The following CALHM5 variants were observed in gnomAD, a reference collection of about 807,000 sequenced individuals.
The protein encoded by CALHM5 is calcium homeostasis modulator protein 5.
CALHM5 carries 17 observed loss-of-function variants against 20.9 expected under a neutral mutation model. The ratio of observed to expected loss-of-function variants is 0.82; its 90% CI spans 0.56 to 1.22. The LOEUF is 1.22. CALHM5 is among the 50% of genes most tolerant of loss of function. CALHM5 has a pLI of 0.00. For synonymous variants in CALHM5, 148 were observed against 140.0 expected, an observed-to-expected ratio of 1.06 and a Z score of -0.40; for missense variants, 360 against 364.6, an observed-to-expected ratio of 0.99 and a Z score of 0.10.
Position 116,523,889 on chromosome 6 carries a change from G to C in CALHM5, c.*7900G>C, listed in dbSNP as rs755820947. ...TCTCCCCACAGATTAACAGTATTAAGAAAGGAGAATAAAGGAGATATAAGT... is the reference window on the plus strand; with the variant it reads ...TCTCCCCACAGATTAACAGTATTAACAAAGGAGAATAAAGGAGATATAAGT... On this transcript the variant is annotated 3_prime_UTR_variant, in exon 2 of 2. Transcript: ENST00000368599. 1 of 152,098 alleles carries C rather than the reference G, an allele frequency of 6.6e-6. No individual in the cohort carries two copies. Among genetic ancestry groups the C allele is most frequent in the Non-Finnish European group, 1.5e-5 (1 of 68,022 alleles). 9.4% of individuals were successfully genotyped at this position (152,098 alleles called of 1,614,324 possible).
At position 116,523,075 on chromosome 6, in the gene CALHM5, A is replaced by G. The variant is rs1772375177; in HGVS notation, c.*7086A>G. ...CATTTCTAACAGGTTCTCAGGTGATACTGATGCTGCTGGTCTAGGGACTAC... is the reference window on the plus strand; with the variant it reads ...CATTTCTAACAGGTTCTCAGGTGATGCTGATGCTGCTGGTCTAGGGACTAC... On this transcript the variant is annotated 3_prime_UTR_variant, in exon 2 of 2. Transcript: ENST00000368599. The G allele has an allele frequency of 6.6e-6, 1 of 151,948 alleles. No individual in the cohort carries two copies. Among genetic ancestry groups the G allele is most frequent in the African/African-American group, 2.4e-5 (1 of 41,300 alleles). The allele number at this position is 151,948 out of a possible 1,614,324, so 9.4% of individuals were successfully genotyped here. A position where few individuals can be genotyped will look rare whatever the true frequency, so the allele number is the denominator to read the frequency against.
In CALHM5 at chr6:116,515,734, G is replaced by T; in HGVS notation, c.675G>T (p.Gln225His). The T allele has an allele frequency of 6.2e-7, 1 of 1,614,048 alleles. No individual in the cohort carries two copies. The highest frequency in any genetic ancestry group is 8.5e-7 in the Non-Finnish European group (1 of 1,179,936). The change falls in exon 2 of 2, where the codon CAG becomes CAT. Residue 225 changes from glutamine (Q) to histidine (H), a missense_variant. By Grantham distance (24) the Gln-to-His change is conservative (BLOSUM62 0). Coordinates refer to ENST00000368599, the MANE Select transcript of CALHM5 (RefSeq NM_153711.5). ...CATATGCACAAAAGGAGAAGGAGCAGTTGGAAAATACATTTCTGGACTATG... is the reference window on the plus strand; with the variant it reads ...CATATGCACAAAAGGAGAAGGAGCATTTGGAAAATACATTTCTGGACTATG... ...WKTYAQKEKE[Q>H]LENTFLDYAN...
At position 116,516,071 on chromosome 6, in the gene CALHM5, G is replaced by A. The variant is rs2115168883; in HGVS notation, c.*82G>A. 3 of 1,468,132 alleles carry A rather than the reference G, an allele frequency of 2.0e-6. No homozygotes were observed. The highest frequency in any genetic ancestry group is 2.3e-5 in the Admixed American group (1 of 43,824). 90.9% of individuals were successfully genotyped at this position (1,468,132 alleles called of 1,614,324 possible). ...CTAACGTATCACCAGCAACCTGTGT[G>A]TCTCTGTATTTTCTTACATTTGGAG... is the stretch of plus-strand genomic sequence containing the variant. On this transcript the variant is annotated 3_prime_UTR_variant, in exon 2 of 2. Coordinates refer to ENST00000368599, the MANE Select transcript of CALHM5 (RefSeq NM_153711.5).
rs939737076 is a variant in CALHM5 at position 116,518,855 on chromosome 6, G to C, written c.*2866G>C. ...CTGACTGGCAAGAAGCCAGCAGCCTGGGTACTTGTTGCTGCAGCTTAGTAA... is the reference window on the plus strand; with the variant it reads ...CTGACTGGCAAGAAGCCAGCAGCCTCGGTACTTGTTGCTGCAGCTTAGTAA... On this transcript the variant is annotated 3_prime_UTR_variant, in exon 2 of 2. Transcript: ENST00000368599. 1 of 152,188 alleles carries C rather than the reference G, an allele frequency of 6.6e-6. No homozygotes were observed. The highest frequency in any genetic ancestry group is 1.5e-5 in the Non-Finnish European group (1 of 68,040). 9.4% of individuals were successfully genotyped at this position (152,188 alleles called of 1,614,324 possible). A position where few individuals can be genotyped will look rare whatever the true frequency, so the allele number is the denominator to read the frequency against.
Position 116,517,584 on chromosome 6 carries a change from G to A in CALHM5, c.*1595G>A, listed in dbSNP as rs941415926. 25 of 152,074 alleles carry A rather than the reference G, an allele frequency of 1.6e-4. No individual in the cohort carries two copies. Among genetic ancestry groups the A allele is most frequent in the African/African-American group, 4.6e-4 (19 of 41,406 alleles). The allele number at this position is 152,074 out of a possible 1,614,324, so 9.4% of individuals were successfully genotyped here. Reference sequence around the variant, plus strand: ...GGCAAACTGAATCCTACAAGTATAGGACCCAGAACATATCTATGTTATTGT... The same window carrying A: ...GGCAAACTGAATCCTACAAGTATAGAACCCAGAACATATCTATGTTATTGT... On this transcript the variant is annotated 3_prime_UTR_variant, in exon 2 of 2. Coordinates refer to ENST00000368599, the MANE Select transcript of CALHM5 (RefSeq NM_153711.5).
chr6:116,512,560 T>C (rs2115165118), intron 1 of CALHM5, among the ~76,000 whole-genome samples: 1 of 152,292 alleles, frequency 6.6e-6, no homozygotes, highest in East Asian at 1.9e-4. Flanking sequence ...ATAAATTGAG[T>C]GTTAATGGCA....
At position 116,511,725 on chromosome 6, in the gene CALHM5, T is replaced by C; in HGVS notation, c.29T>C (p.Phe10Ser). The C allele has an allele frequency of 6.2e-7, 1 of 1,613,712 alleles. No homozygotes were observed. The highest frequency in any genetic ancestry group is 8.5e-7 in the Non-Finnish European group (1 of 1,179,884). The change falls in exon 1 of 2, where the codon TTC becomes TCC. Residue 10 changes from phenylalanine (F) to serine (S), a missense_variant. By Grantham distance (155) the Phe-to-Ser change is radical. Coordinates refer to ENST00000368599, the MANE Select transcript of CALHM5 (RefSeq NM_153711.5). MDAFQGILK[F>S]FLNQKTVIGY... ...GATGCTTTTCAGGGCATTTTAAAATTCTTCCTTAATCAGAAAACTGTTATT... is the reference window on the plus strand; with the variant it reads ...GATGCTTTTCAGGGCATTTTAAAATCCTTCCTTAATCAGAAAACTGTTATT...
chr6:116,523,882 G>A lies in CALHM5; in HGVS notation c.*7893G>A, dbSNP rs1347418825. On this transcript the variant is annotated 3_prime_UTR_variant, in exon 2 of 2. Coordinates refer to ENST00000368599, the MANE Select transcript of CALHM5 (RefSeq NM_153711.5). ...GACTCAGTCTCCCCACAGATTAACA[G>A]TATTAAGAAAGGAGAATAAAGGAGA... 3.9e-5 allele frequency: 6 copies of A among 152,108 alleles called. No homozygotes were observed. The highest frequency in any genetic ancestry group is 7.4e-5 in the Non-Finnish European group (5 of 68,026). The allele number at this position is 152,108 out of a possible 1,614,324, so 9.4% of individuals were successfully genotyped here.
At position 116,523,154 on chromosome 6, in the gene CALHM5, G is replaced by C. The variant is rs976225553; in HGVS notation, c.*7165G>C. 6.6e-6 allele frequency: 1 copy of C among 151,928 alleles called. No individual in the cohort carries two copies. Among genetic ancestry groups the C allele is most frequent in the Non-Finnish European group, 1.5e-5 (1 of 68,008 alleles). The allele number at this position is 151,928 out of a possible 1,614,324, so 9.4% of individuals were successfully genotyped here. A position where few individuals can be genotyped will look rare whatever the true frequency, so the allele number is the denominator to read the frequency against. On this transcript the variant is annotated 3_prime_UTR_variant, in exon 2 of 2. Coordinates refer to ENST00000368599, the MANE Select transcript of CALHM5 (RefSeq NM_153711.5). The stretch of plus-strand genomic sequence containing the variant: ...GAGCAGGCTATTCTGGGGAAGGCAG[G>C]CTGTAAGAAACTCAGAATCCTGGCC...
chr6:116,513,467 A>C (rs1005085080), intron 1 of CALHM5, among the ~76,000 whole-genome samples: 1 of 152,214 alleles, frequency 6.6e-6, no homozygotes, highest in African/African-American at 2.4e-5. Flanking sequence ...GGCTCCATTC[A>C]GTCAGTGGCA....
At position 116,517,096 on chromosome 6, in the gene CALHM5, T is replaced by C. The variant is rs1213577179; in HGVS notation, c.*1107T>C. 1 of 152,162 alleles carries C rather than the reference T, an allele frequency of 6.6e-6. No individual in the cohort carries two copies. The highest frequency in any genetic ancestry group is 1.5e-5 in the Non-Finnish European group (1 of 68,036). 9.4% of individuals were successfully genotyped at this position (152,162 alleles called of 1,614,324 possible). ...TGGTGGAAAGTGCAAATAAGCTCCC[T>C]TGAGCATTTTTATAAGGCACTAATC... On this transcript the variant is annotated 3_prime_UTR_variant, in exon 2 of 2. Transcript: ENST00000368599.
Position 116,519,813 on chromosome 6 carries a change from T to C in CALHM5, c.*3824T>C, listed in dbSNP as rs190743529. 2 of 152,230 alleles carry C rather than the reference T, an allele frequency of 1.3e-5. No homozygotes were observed. The highest frequency in any genetic ancestry group is 2.9e-5 in the Non-Finnish European group (2 of 68,034). 9.4% of individuals were successfully genotyped at this position (152,230 alleles called of 1,614,324 possible). A position where few individuals can be genotyped will look rare whatever the true frequency, so the allele number is the denominator to read the frequency against. On this transcript the variant is annotated 3_prime_UTR_variant, in exon 2 of 2. Transcript: ENST00000368599. ...TGCTGATTCTGTCCAATTTATCCCA[T>C]GAATAAATTGTGTACACATATATAT...
chr6:116,512,102 G>T lies in CALHM5; in HGVS notation c.406G>T (p.Gly136Ter). The T allele has an allele frequency of 6.2e-7, 1 of 1,614,028 alleles. No homozygotes were observed. The highest frequency in any genetic ancestry group is 8.5e-7 in the Non-Finnish European group (1 of 1,179,982). Residue 136 changes from glycine (G) to a stop codon, truncating the protein, a stop_gained, in exon 1 of 2, where the codon GGA becomes TGA. Transcript: ENST00000368599. LOFTEE classifies it high-confidence loss of function. Reference sequence around the variant, plus strand: ...TGCCATGAGCGGGACGAGAAGTTCAGGACTCCTGGAACTGATTTGCAAGGG... The same window carrying T: ...TGCCATGAGCGGGACGAGAAGTTCATGACTCCTGGAACTGATTTGCAAGGG... ...ECAMSGTRSSGLLELICKGKP... is the reference protein window; with the variant it reads ...ECAMSGTRSS
chr6:116,520,271 A>G lies in CALHM5; in HGVS notation c.*4282A>G, dbSNP rs555773242. The G allele has an allele frequency of 7.2e-5, 11 of 152,304 alleles. No individual in the cohort carries two copies. Among genetic ancestry groups the G allele is most frequent in the African/African-American group, 2.6e-4 (11 of 41,568 alleles). The allele number at this position is 152,304 out of a possible 1,614,324, so 9.4% of individuals were successfully genotyped here. On this transcript the variant is annotated 3_prime_UTR_variant, in exon 2 of 2. Transcript: ENST00000368599. ...ACCGCTTCTCACATGATATATTTCA[A>G]GTACTTCAACTATTAACTATATTAT...
chr6:116,515,474 G>A (rs1215448165), intron 1 of CALHM5, 126 bp from the exon 2 acceptor site: 2 of 1,024,500 alleles, frequency 2.0e-6, no homozygotes, highest in Admixed American at 2.5e-5. Flanking sequence ...AAATTAAGAT[G>A]AATGATTTCA....
rs1401261373 is a variant in CALHM5 at position 116,516,704 on chromosome 6, TATATAC to T, written c.*717_*722del. 7 of 123,186 alleles carry T rather than the reference TATATAC, an allele frequency of 5.7e-5. No individual in the cohort carries two copies. The highest frequency in any genetic ancestry group is 1.4e-4 in the African/African-American group (4 of 29,558). 7.6% of individuals were successfully genotyped at this position (123,186 alleles called of 1,614,324 possible). A position where few individuals can be genotyped will look rare whatever the true frequency, so the allele number is the denominator to read the frequency against. ...ATATATATATATATATATATATATA[TATATAC>T]ACACACACAGAAATATATATTTATA... On this transcript the variant is annotated 3_prime_UTR_variant, in exon 2 of 2. Transcript: ENST00000368599.
rs930249166 is a variant in CALHM5, at chr6:116,517,675, T to C, written c.*1686T>C. ...TCCTGGTGCAGAGCTCCTAAAACCTTTGGGACCTCCCAAGTGATGTGTCTG... is the reference window on the plus strand; with the variant it reads ...TCCTGGTGCAGAGCTCCTAAAACCTCTGGGACCTCCCAAGTGATGTGTCTG... On this transcript the variant is annotated 3_prime_UTR_variant, in exon 2 of 2. Transcript: ENST00000368599. The C allele has an allele frequency of 6.6e-6, 1 of 152,144 alleles. No individual in the cohort carries two copies. Among genetic ancestry groups the C allele is most frequent in the Non-Finnish European group, 1.5e-5 (1 of 68,024 alleles). The allele number at this position is 152,144 out of a possible 1,614,324, so 9.4% of individuals were successfully genotyped here. A position where few individuals can be genotyped will look rare whatever the true frequency, so the allele number is the denominator to read the frequency against.
At position 116,511,997 on chromosome 6, in the gene CALHM5, G is replaced by T. The variant is rs916094899; in HGVS notation, c.301G>T (p.Gly101Cys). 8.1e-6 allele frequency: 13 copies of T among 1,613,802 alleles called. No homozygotes were observed. The highest frequency in any genetic ancestry group is 1.7e-4 in the Middle Eastern group (1 of 6,034). ...GHSCRFFYVL[G>C]QITLSSLVAP... is the part of the protein sequence containing the mutation. ...CAGCTGCCGTTTCTTCTACGTCCTCGGCCAGATCACTCTGAGCTCATTGGT... is the reference window on the plus strand; with the variant it reads ...CAGCTGCCGTTTCTTCTACGTCCTCTGCCAGATCACTCTGAGCTCATTGGT... Residue 101 changes from glycine to cysteine, a missense_variant, in exon 1 of 2, where the codon GGC (glycine) becomes TGC (cysteine). Gly to Cys is a radical substitution (Grantham distance 159). Transcript: ENST00000368599.
At chr6:116,515,373 C>T (rs1266104392) in intron 1 of CALHM5, among the ~76,000 whole-genome samples, 1 of 152,092 alleles carries the variant, frequency 6.6e-6, no homozygotes, top group Non-Finnish European at 1.5e-5. Flanking sequence ...TTTGCACCAG[C>T]AATGTTGGGG....
Sources: allele counts gnomAD v4.1 joint callset (sites outside exome capture counted in the v4.1 genomes callset), GRCh38; gene constraint gnomAD v4.1.1; transcripts MANE v1.5; gene names NCBI Gene and HGNC (gene_info 2026-07-23, HGNC 2026-07-21).